The following DNM1L variants were observed in gnomAD, a reference collection of about 807,000 sequenced individuals.
The protein encoded by DNM1L is dynamin 1L, also known as dynamin-1-like protein.
DNM1L carries 33 observed loss-of-function variants against 92.8 expected under a neutral mutation model. That is an observed-to-expected ratio of 0.36 (90% CI 0.27 to 0.48). The LOEUF is 0.48. DNM1L is among the 20% of genes least tolerant of loss of function. DNM1L has a pLI of 0.99. For synonymous variants in DNM1L, 284 were observed against 305.0 expected (o/e 0.93, Z 0.72); for missense variants, 485 against 888.8 (o/e 0.55, Z 5.78).
chr12:32,706,329 T>C (rs569279590), intron 2 of DNM1L, among the ~76,000 whole-genome samples: 1 of 152,328 alleles, frequency 6.6e-6, no homozygotes, highest in Admixed American at 6.5e-5. Context: ...GAATATCTTA[T>C]GATCATTTTT....
At chr12:32,737,736 C>A in intron 14 of DNM1L, 129 bp from the exon 15 acceptor site, 1 of 754,974 alleles carries the variant, frequency 1.3e-6, no homozygotes, top group Non-Finnish European at 2.3e-6. Context: ...AACAATCTCC[C>A]ATGATTATTT....
intron 8 of DNM1L, among the ~76,000 whole-genome samples, chr12:32,721,921 TATAG>T (rs1444982789): frequency 6.6e-6 from 1 of 152,102 alleles, no homozygotes; most frequent in African/African-American, 2.4e-5. Flanking sequence ...TTACAAAGGA[TATAG>T]ATAAATAGCC....
rs1955580071 is a variant in DNM1L, at chr12:32,745,285, A to G, written c.*1875A>G. The G allele has an allele frequency of 4.5e-6, 1 of 220,946 alleles. No individual in the cohort carries two copies. Among genetic ancestry groups the G allele is most frequent in the Non-Finnish European group, 8.9e-6 (1 of 112,062 alleles). The allele number at this position is 220,946 out of a possible 1,614,324, so 13.7% of individuals were successfully genotyped here. On this transcript the variant is annotated 3_prime_UTR_variant, in exon 20 of 20. Transcript: ENST00000549701. ...TCTAGTCCTTTGAATTTGTAAGGGG[A>G]AAAAAAACAAAAACAAAAACTTACG... is the stretch of plus-strand genomic sequence containing the variant.
rs1263144131 is a variant in DNM1L, at chr12:32,731,411, G to A, written c.1256G>A (p.Arg419Gln). Residue 419 changes from arginine (R) to glutamine (Q), a missense_variant, in exon 11 of 20, where the codon CGG becomes CAG. Coordinates refer to ENST00000549701, the MANE Select transcript of DNM1L (RefSeq NM_012062.5). The surrounding 1 kb of genome is among the most constrained non-coding windows in gnomAD (Gnocchi z 5.1). ...GTTTCATTTGAGTTACTGGTGAAGC[G>A]GCAAATCAAACGTCTAGAAGAGCCC... The part of the protein sequence containing the change: ...PEVSFELLVK[R>Q]QIKRLEEPSL... 5 of 1,613,962 alleles carry A rather than the reference G, an allele frequency of 3.1e-6. No homozygotes were observed. The highest frequency in any genetic ancestry group is 2.2e-5 in the South Asian group (2 of 91,088).
intron 1 of DNM1L, among the ~76,000 whole-genome samples, chr12:32,701,030 A>C (rs1952677237): frequency 6.6e-6 from 1 of 152,196 alleles, no homozygotes; most frequent in Non-Finnish European, 1.5e-5. Flanking sequence ...TAATCCCAGC[A>C]CTGGGAGGCT....
intron 18 of DNM1L, among the ~76,000 whole-genome samples, chr12:32,740,886 G>A (rs140003464): frequency 3.3e-5 from 5 of 152,244 alleles, no homozygotes; most frequent in Admixed American, 6.5e-5. Flanking sequence ...GTATCAAAAC[G>A]AATGTCTTTT....
At chr12:32,687,411 G>A (rs1952058865) in intron 1 of DNM1L, among the ~76,000 whole-genome samples, 1 of 151,772 alleles carries the variant, frequency 6.6e-6, no homozygotes, top group African/African-American at 2.4e-5. Flanking sequence ...CCATTGAATA[G>A]TCTTGGCATT....
Position 32,740,017 on chromosome 12 carries a change from A to G in DNM1L, c.1708-47A>G, listed in dbSNP as rs928490873. ...AATAAAATGAACTTTGTTTTAGTTAAGGTCAGATATGATGTGGTTGGTATG... is the reference window on the plus strand; with the variant it reads ...AATAAAATGAACTTTGTTTTAGTTAGGGTCAGATATGATGTGGTTGGTATG... On this transcript the variant is annotated intron_variant, in intron 16 of 19. Coordinates refer to ENST00000549701, the MANE Select transcript of DNM1L (RefSeq NM_012062.5). 4 of 1,603,376 alleles carry G rather than the reference A, an allele frequency of 2.5e-6. No homozygotes were observed. In the African/African-American group the frequency reaches 5.4e-5, roughly 21 times the overall value.
chr12:32,702,997 C>G (rs191922577), intron 2 of DNM1L, among the ~76,000 whole-genome samples: 9 of 151,854 alleles, frequency 5.9e-5, no homozygotes, highest in Non-Finnish European at 1.2e-4. Context: ...ATCAAATTTA[C>G]CAAACATCTG....
At chr12:32,721,276 C>T (rs1953787246) in intron 8 of DNM1L, among the ~76,000 whole-genome samples, 1 of 152,110 alleles carries the variant, frequency 6.6e-6, no homozygotes, top group African/African-American at 2.4e-5. Flanking sequence ...ACTAGAAGCC[C>T]TTTCTAGATG....
chr12:32,739,850 G>A (rs1264532844), intron 16 of DNM1L: 8 of 583,028 alleles, frequency 1.4e-5, no homozygotes, highest in African/African-American at 1.9e-5. Context: ...TTGATGCCTT[G>A]CAAACAACTT....
At chr12:32,742,840 T>C in intron 19 of DNM1L, 92 bp downstream of exon 19, 1 of 1,428,006 alleles carries the variant, frequency 7.0e-7, no homozygotes, top group Non-Finnish European at 9.8e-7. Context: ...ATATGTATAG[T>C]CTTTATATTC....
At chr12:32,716,210 C>T (rs1316351448) in intron 6 of DNM1L, among the ~76,000 whole-genome samples, 1 of 148,416 alleles carries the variant, frequency 6.7e-6, no homozygotes, top group Non-Finnish European at 1.5e-5. Flanking sequence ...GAATGGAAAA[C>T]TGGTTTGATT....
At chr12:32,679,533 T>C (rs1951720628) in intron 1 of DNM1L, 68 bp downstream of exon 1, 23 of 1,507,776 alleles carry the variant, frequency 1.5e-5, no homozygotes, top group Admixed American at 8.7e-5. Context: ...GCTGCGGCAG[T>C]GCCCACTCCC....
At position 32,731,423 on chromosome 12, in the gene DNM1L, G is replaced by A; in HGVS notation, c.1268G>A (p.Arg423His). ...TTACTGGTGAAGCGGCAAATCAAAC[G>A]TCTAGAAGAGCCCAGCCTCCGCTGT... is the stretch of plus-strand genomic sequence containing the variant. The part of the protein sequence containing the change: ...FELLVKRQIK[R>H]LEEPSLRCVE... The change falls in exon 11 of 20, where the codon CGT (arginine) becomes CAT (histidine). Residue 423 changes from arginine (R) to histidine (H), a missense_variant. By Grantham distance (29) the Arg-to-His change is conservative. Around this residue, in one of 11 missense-constraint regions of DNM1L, gnomAD observed 12 missense variants for 21.5 expected, o/e 0.56. Coordinates refer to ENST00000549701, the MANE Select transcript of DNM1L (RefSeq NM_012062.5). The surrounding 1 kb of genome is among the most constrained non-coding windows in gnomAD (Gnocchi z 5.1). 5.6e-6 allele frequency: 9 copies of A among 1,614,156 alleles called. No homozygotes were observed. The highest frequency in any genetic ancestry group is 7.6e-6 in the Non-Finnish European group (9 of 1,180,032).
chr12:32,722,956 T>C (rs1953875179), intron 9 of DNM1L, among the ~76,000 whole-genome samples: 1 of 151,890 alleles, frequency 6.6e-6, no homozygotes, highest in Admixed American at 6.6e-5. Flanking sequence ...TTTGTTTCTT[T>C]AGTACACACA....
At chr12:32,716,036 T>G (rs1953348920) in intron 6 of DNM1L, among the ~76,000 whole-genome samples, 3 of 152,154 alleles carry the variant, frequency 2.0e-5, no homozygotes. Context: ...TATGGTACAT[T>G]CCATACAATG....
chr12:32,733,587 A>G, intron 12 of DNM1L, 128 bp from the exon 13 acceptor site: 1 of 735,744 alleles, frequency 1.4e-6, no homozygotes, highest in Non-Finnish European at 2.4e-6. Flanking sequence ...ATAATTATCA[A>G]GTAATTTAGG....
In DNM1L at chr12:32,707,332, A is replaced by G. The variant is rs1218624908; in HGVS notation, c.251-35A>G. Reference sequence around the variant, plus strand: ...TTCCTAAAGATAAAAAGTAGTTTCCATAGTTTCCAATAAATGAGTTTTTCT... The same window carrying G: ...TTCCTAAAGATAAAAAGTAGTTTCCGTAGTTTCCAATAAATGAGTTTTTCT... On this transcript the variant is annotated intron_variant, in intron 2 of 19. Transcript: ENST00000549701. The G allele has an allele frequency of 2.6e-6, 4 of 1,565,006 alleles. No individual in the cohort carries two copies. In the East Asian group the frequency reaches 6.8e-5, roughly 26 times the overall value.
Sources: allele counts gnomAD v4.1 joint callset (sites outside exome capture counted in the v4.1 genomes callset), GRCh38; gene constraint gnomAD v4.1.1; regional missense constraint gnomAD v4.1.1; non-coding constraint Gnocchi (gnomAD v3.1); transcripts MANE v1.5; gene names NCBI Gene and HGNC (gene_info 2026-07-23, HGNC 2026-07-21).